Variants in SLC27A2 observed in about 807,000 individuals in gnomAD.
The protein encoded by SLC27A2 is solute carrier family 27 member 2, also known as long-chain fatty acid transport protein 2.
SLC27A2 carries 54 observed loss-of-function variants against 60.0 expected under a neutral mutation model. The ratio of observed to expected loss-of-function variants is 0.90; its 90% confidence interval spans 0.72 to 1.13. The LOEUF (loss-of-function observed/expected upper bound fraction) is 1.13, where lower values mean the gene tolerates loss of function less well. Among genes scored for constraint, SLC27A2 ranks in the 50% most tolerant of loss-of-function variants. The probability of loss-of-function intolerance (pLI) is 0.00; values close to 1 mark genes in which losing one functional copy is unlikely to be tolerated. For missense variants in SLC27A2, 739 were observed against 777.6 expected, an observed-to-expected ratio of 0.95 and a Z score of 0.59; for synonymous variants, 297 against 297.6, an observed-to-expected ratio of 1.00 and a Z score of 0.02.
chr15:50,219,964 T>G (rs1477143678), intron 4 of SLC27A2, among the ~76,000 whole-genome samples: 1 of 152,218 alleles, frequency 6.6e-6, no homozygotes, highest in Non-Finnish European at 1.5e-5. Flanking sequence ...GGAGAAACAC[T>G]GTTCGCCCTA....
Position 50,182,305 on chromosome 15 carries a change from C to G in SLC27A2, c.-123C>G. The G allele has an allele frequency of 4.6e-6, 6 of 1,314,968 alleles. No homozygotes were observed. The highest frequency in any genetic ancestry group is 5.8e-6 in the Non-Finnish European group (6 of 1,033,056). 81.5% of individuals were successfully genotyped at this position (1,314,968 alleles called of 1,614,324 possible). The stretch of plus-strand genomic sequence containing the variant: ...TCTTCCCCTTCATCTCACGCGAGCC[C>G]GGCGTCCCGCCGCGTGCGCCCCGGC... On this transcript the variant is annotated 5_prime_UTR_variant, in exon 1 of 10. Coordinates refer to ENST00000267842, the MANE Select transcript of SLC27A2 (RefSeq NM_003645.4).
chr15:50,234,116 A>G (rs780114320), intron 9 of SLC27A2, 118 bp downstream of exon 9: 6 of 1,012,370 alleles, frequency 5.9e-6, no homozygotes, highest in Admixed American at 4.7e-5. Flanking sequence ...CGCACTTTCC[A>G]GGAAGCTCAG....
chr15:50,187,472 C>A (rs889028309), intron 1 of SLC27A2, among the ~76,000 whole-genome samples: 4 of 152,162 alleles, frequency 2.6e-5, no homozygotes, highest in African/African-American at 7.2e-5. Context: ...TGTTCCATTT[C>A]CATTTATCCT....
chr15:50,228,094 T>C (rs1377533702), intron 7 of SLC27A2, among the ~76,000 whole-genome samples: 1 of 152,150 alleles, frequency 6.6e-6, no homozygotes, highest in Non-Finnish European at 1.5e-5. Context: ...GAATTTTTAA[T>C]GGGCCAGGCG....
At chr15:50,207,132 G>C (rs1017706288) in intron 4 of SLC27A2, among the ~76,000 whole-genome samples, 11 of 152,100 alleles carry the variant, frequency 7.2e-5, no homozygotes, top group African/African-American at 2.7e-4. Flanking sequence ...GGGAGTGTGT[G>C]TTGTTTCTGT....
intron 5 of SLC27A2, 54 bp from the exon 6 acceptor site, chr15:50,225,934 A>T (rs1384295867): frequency 1.5e-6 from 2 of 1,295,796 alleles, no homozygotes; most frequent in Admixed American, 3.7e-5. Flanking sequence ...TACCACAATT[A>T]AAAAGGGAAA....
chr15:50,231,524 C>G (rs1295747143), intron 8 of SLC27A2, among the ~76,000 whole-genome samples: 1 of 152,072 alleles, frequency 6.6e-6, no homozygotes, highest in African/African-American at 2.4e-5. Context: ...AAAAAAAACA[C>G]ACACACTGAA....
chr15:50,235,796 G>C, intron 9 of SLC27A2, 124 bp from the exon 10 acceptor site: 4 of 619,924 alleles, frequency 6.5e-6, no homozygotes, highest in Non-Finnish European at 1.1e-5. Flanking sequence ...TCACTTCCCA[G>C]CTCTCACATG....
At chr15:50,193,584 C>A (rs936707392) in intron 1 of SLC27A2, among the ~76,000 whole-genome samples, 2 of 152,098 alleles carry the variant, frequency 1.3e-5, no homozygotes, top group African/African-American at 4.8e-5. Flanking sequence ...TAAAATTTGC[C>A]TCTGTGGGCC....
chr15:50,232,071 G>T (rs918535337), intron 8 of SLC27A2, among the ~76,000 whole-genome samples: 1 of 152,228 alleles, frequency 6.6e-6, no homozygotes, highest in East Asian at 1.9e-4. Context: ...AACTGCTGCT[G>T]TCTGGCCCCC....
chr15:50,205,255 G>A lies in SLC27A2; in HGVS notation c.864G>A (p.Leu288=), dbSNP rs1415616266. 1 of 1,608,012 alleles carries A rather than the reference G, an allele frequency of 6.2e-7. No individual in the cohort carries two copies. Among genetic ancestry groups the A allele is most frequent in the African/African-American group, 1.3e-5 (1 of 74,838 alleles). The change falls in exon 4 of 10, where the codon TTG becomes TTA. Residue 288 remains leucine, a synonymous_variant. Transcript: ENST00000267842. ...GCIVAGATLA[L]RTKFSASQFW... is the part of the protein sequence containing the mutation. ...TCTCTGTAGGTGCTACTCTTGCCTT[G>A]CGGACTAAATTTTCAGCCAGCCAGT...
intron 1 of SLC27A2, among the ~76,000 whole-genome samples, chr15:50,188,439 G>A (rs780740573): frequency 6.6e-6 from 1 of 152,120 alleles, no homozygotes; most frequent in Non-Finnish European, 1.5e-5. Context: ...CAACAGCAGT[G>A]GCCTCACTTC....
At chr15:50,225,802 G>A (rs2045273653) in intron 5 of SLC27A2, among the ~76,000 whole-genome samples, 186 bp from the exon 6 acceptor site, 1 of 152,266 alleles carries the variant, frequency 6.6e-6, no homozygotes, top group South Asian at 2.1e-4. Context: ...ACAGAAAAGG[G>A]CAGGAGGAAA....
Position 50,236,229 on chromosome 15 carries a change from CT to C in SLC27A2, c.*139del. On this transcript the variant is annotated 3_prime_UTR_variant, in exon 10 of 10. Transcript: ENST00000267842. Reference sequence around the variant, plus strand: ...AAATTTGCATACCCGTAAAGGGAGACTTTTTTAAATAACAGTTGAGTCTTTG... The same window carrying C: ...AAATTTGCATACCCGTAAAGGGAGACTTTTTAAATAACAGTTGAGTCTTTG... The C allele has an allele frequency of 1.6e-6, 1 of 617,070 alleles. No homozygotes were observed. Among genetic ancestry groups the C allele is most frequent in the Non-Finnish European group, 2.6e-6 (1 of 383,684 alleles). 38.2% of individuals were successfully genotyped at this position (617,070 alleles called of 1,614,324 possible).
chr15:50,201,624 C>T (rs1054396206), intron 2 of SLC27A2, among the ~76,000 whole-genome samples: 9 of 151,654 alleles, frequency 5.9e-5, no homozygotes, highest in Admixed American at 5.3e-4. Context: ...GGCGCTATCT[C>T]GGCTCACTGC....
At chr15:50,195,359 C>T (rs916691159) in intron 1 of SLC27A2, among the ~76,000 whole-genome samples, 2 of 150,120 alleles carry the variant, frequency 1.3e-5, no homozygotes, top group Non-Finnish European at 3.0e-5. Flanking sequence ...GGTGTGGTGG[C>T]AGGTGCCTGT....
chr15:50,219,033 A>G (rs914599253), intron 4 of SLC27A2, among the ~76,000 whole-genome samples: 5 of 152,360 alleles, frequency 3.3e-5, no homozygotes, highest in African/African-American at 1.2e-4. Context: ...GGAAAAATAA[A>G]AATTTGTTCA....
At chr15:50,203,991 C>G (rs892552547) in intron 3 of SLC27A2, among the ~76,000 whole-genome samples, 1 of 152,138 alleles carries the variant, frequency 6.6e-6, no homozygotes, top group South Asian at 2.1e-4. Context: ...CCCATCTGTA[C>G]TATTTTGTTA....
At chr15:50,221,197 A>G (rs1292738778) in intron 4 of SLC27A2, among the ~76,000 whole-genome samples, 2 of 151,164 alleles carry the variant, frequency 1.3e-5, no homozygotes, top group Admixed American at 6.6e-5. Flanking sequence ...CCTGTCTCGA[A>G]AAAAAAAAGA....
Sources: gnomAD v4.1 joint callset for allele counts (sites outside exome capture counted in the v4.1 genomes callset) on GRCh38, gnomAD v4.1.1 for gene constraint, MANE v1.5 for transcripts, NCBI Gene and HGNC (gene_info 2026-07-23, HGNC 2026-07-21) for gene names.